The following P4HB variants were observed in gnomAD, a reference collection of about 807,000 sequenced individuals.
The protein encoded by P4HB is protein disulfide-isomerase.
P4HB carries 20 observed loss-of-function variants against 52.6 expected under a neutral mutation model. The observed-to-expected ratio is 0.38, with a 90% CI of 0.27 to 0.55. The LOEUF is 0.55. Among genes scored for constraint, P4HB ranks in the 20% least tolerant of loss-of-function variants. P4HB has a pLI of 0.74. For missense variants in P4HB, 601 were observed against 669.2 expected, an observed-to-expected ratio of 0.90 and a Z score of 1.12; for synonymous variants, 296 against 277.9, an observed-to-expected ratio of 1.07 and a Z score of -0.65.
Position 81,846,590 on chromosome 17 carries a change from G to C in P4HB, c.895C>G (p.Gln299Glu). Residue 299 changes from glutamine to glutamate, a missense_variant, in exon 7 of 11, where the codon CAG (glutamine) becomes GAG (glutamate). Gln to Glu is a conservative substitution (Grantham distance 29). Coordinates refer to ENST00000331483, the MANE Select transcript of P4HB (RefSeq NM_000918.4). The surrounding 1 kb of genome is among the most constrained non-coding windows in gnomAD (Gnocchi z 5.7). The part of the protein sequence containing the change: ...IFIDSDHTDN[Q>E]RILEFFGLKK... ...AGGCCAAAGAACTCGAGGATGCGCT[G>C]GTTGTCGGTGTGGTCGCTGTCGATG... 6.2e-7 allele frequency: 1 copy of C among 1,614,110 alleles called. No individual in the cohort carries two copies. The highest frequency in any genetic ancestry group is 8.5e-7 in the Non-Finnish European group (1 of 1,180,034).
chr17:81,854,003 G>T (rs1262482266), intron 4 of P4HB, among the ~76,000 whole-genome samples: 9 of 152,214 alleles, frequency 5.9e-5, no homozygotes, highest in Non-Finnish European at 1.2e-4. Context: ...GGGAGAGGCG[G>T]CTAAGAGGCC....
At position 81,855,535 on chromosome 17, in the gene P4HB, G is replaced by C; in HGVS notation, c.404C>G (p.Pro135Arg). ...GCCGTCAGGCAGGGTGGTGGCAGCCGGGCCCGTGCGCTTCTTCAGCCAGTT... is the reference window on the plus strand; with the variant it reads ...GCCGTCAGGCAGGGTGGTGGCAGCCCGGCCCGTGCGCTTCTTCAGCCAGTT... ...IVNWLKKRTG[P>R]AATTLPDGAA... The change falls in exon 3 of 11, where the codon CCG (proline) becomes CGG (arginine). Residue 135 changes from proline (P) to arginine (R), a missense_variant. By Grantham distance (103) the Pro-to-Arg change is moderately radical (BLOSUM62 -2). Transcript: ENST00000331483. The surrounding 1 kb of genome is among the most constrained non-coding windows in gnomAD (Gnocchi z 4.3). The C allele has an allele frequency of 6.2e-7, 1 of 1,613,942 alleles. No homozygotes were observed. The highest frequency in any genetic ancestry group is 8.5e-7 in the Non-Finnish European group (1 of 1,179,998).
chr17:81,847,367 C>T lies in P4HB; in HGVS notation c.625-20G>A, dbSNP rs764530163. On this transcript the variant is annotated intron_variant, in intron 4 of 10. Transcript: ENST00000331483. ...ATCAAACTGTGGACAGAAAGAGGGC[C>T]CTGACTGAGCATTGCTGCTGGGAGC... 1.3e-6 allele frequency: 2 copies of T among 1,592,804 alleles called. No homozygotes were observed. The highest frequency in any genetic ancestry group is 1.7e-5 in the Admixed American group (1 of 60,012).
At position 81,855,938 on chromosome 17, in the gene P4HB, G is replaced by T; in HGVS notation, c.353-352C>A. On this transcript the variant is annotated intron_variant, in intron 2 of 10. Transcript: ENST00000331483. The surrounding 1 kb of genome is among the most constrained non-coding windows in gnomAD (Gnocchi z 4.3). The stretch of plus-strand genomic sequence containing the variant: ...AGCTGGAGGGTAGTGGCAGAATCTT[G>T]GCTCACTGCAGCCTCCACCCACTGG... 1 of 210,918 alleles carries T rather than the reference G, an allele frequency of 4.7e-6. No homozygotes were observed. Among genetic ancestry groups the T allele is most frequent in the Non-Finnish European group, 9.5e-6 (1 of 105,604 alleles). The allele number at this position is 210,918 out of a possible 1,614,324, so 13.1% of individuals were successfully genotyped here.
In P4HB at chr17:81,846,922, C is replaced by A. The variant is rs200221449; in HGVS notation, c.855+25G>T. On this transcript the variant is annotated intron_variant, in intron 6 of 10. Coordinates refer to ENST00000331483, the MANE Select transcript of P4HB (RefSeq NM_000918.4). This position sits in a 1 kb window ranked among gnomAD's most constrained non-coding sequence, Gnocchi z 5.7. ...TGTACTGCTCCCTGGCACCGCCCCA[C>A]GAGCCACCCAGAAGAGCAGCTCACC... 6.2e-7 allele frequency: 1 copy of A among 1,612,800 alleles called. No homozygotes were observed. The highest frequency in any genetic ancestry group is 2.2e-5 in the East Asian group (1 of 44,882).
Position 81,846,479 on chromosome 17 carries a change from C to A in P4HB, c.1006G>T (p.Ala336Ser), listed in dbSNP as rs779543493. The part of the protein sequence containing the change: ...KYKPESEELT[A>S]ERITEFCHRF... ...TGGCAGAACTCTGTGATCCTCTCTG[C>A]CGTCAGCTCCTCCGATTCGGGCTTG... Residue 336 changes from alanine (A) to serine (S), a missense_variant, in exon 7 of 11, where the codon GCA becomes TCA. Physicochemically the swap from Ala to Ser is moderately conservative, Grantham distance 99 (BLOSUM62 1). Coordinates refer to ENST00000331483, the MANE Select transcript of P4HB (RefSeq NM_000918.4). This position sits in a 1 kb window ranked among gnomAD's most constrained non-coding sequence, Gnocchi z 5.7. The A allele has an allele frequency of 6.2e-7, 1 of 1,613,844 alleles. No homozygotes were observed. Among genetic ancestry groups the A allele is most frequent in the African/African-American group, 1.3e-5 (1 of 75,058 alleles).
At chr17:81,854,435 G>A (rs1274677332) in intron 4 of P4HB, among the ~76,000 whole-genome samples, 2 of 152,066 alleles carry the variant, frequency 1.3e-5, no homozygotes, top group African/African-American at 2.4e-5. Context: ...CCAGCTGCTC[G>A]GGAGGCTGAG....
At chr17:81,858,163 T>C (rs549009725) in intron 2 of P4HB, among the ~76,000 whole-genome samples, 3 of 143,940 alleles carry the variant, frequency 2.1e-5, no homozygotes, top group South Asian at 2.1e-4. Flanking sequence ...CCCCAGCTAC[T>C]CAAGAGGCTG....
chr17:81,843,831 C>T lies in P4HB; in HGVS notation c.*181G>A, dbSNP rs2143308317. ...GGATCCCTTTCCAAAAACCGAAAAG[C>T]AGAAGGAAGAGACGGGGGTGAACGG... On this transcript the variant is annotated 3_prime_UTR_variant, in exon 11 of 11. Transcript: ENST00000331483. The T allele has an allele frequency of 1.6e-6, 1 of 626,078 alleles. No individual in the cohort carries two copies. Among genetic ancestry groups the T allele is most frequent in the Non-Finnish European group, 2.9e-6 (1 of 350,316 alleles). The allele number at this position is 626,078 out of a possible 1,614,324, so 38.8% of individuals were successfully genotyped here.
At chr17:81,847,402 G>T in intron 4 of P4HB, 55 bp from the exon 5 acceptor site, 1 of 1,472,032 alleles carries the variant, frequency 6.8e-7, no homozygotes, top group Non-Finnish European at 9.5e-7. Context: ...CACAGCCCCT[G>T]GGCCCGGGTC....
rs1197704466 is a variant in P4HB, at chr17:81,855,202, G to C, written c.564C>G (p.Ser188=). ...AIDDIPFGIT[S]NSDVFSKYQL... Reference sequence around the variant, plus strand: ...GGTATTTGGAGAACACGTCACTGTTGGAAGTGATCCCAAATGGTATGTCAT... The same window carrying C: ...GGTATTTGGAGAACACGTCACTGTTCGAAGTGATCCCAAATGGTATGTCAT... Residue 188 remains serine, a synonymous_variant, in exon 4 of 11, where the codon TCC becomes TCG. Coordinates refer to ENST00000331483, the MANE Select transcript of P4HB (RefSeq NM_000918.4). This position sits in a 1 kb window ranked among gnomAD's most constrained non-coding sequence, Gnocchi z 4.3. 1.2e-6 allele frequency: 2 copies of C among 1,613,868 alleles called. No individual in the cohort carries two copies. Among genetic ancestry groups the C allele is most frequent in the Non-Finnish European group, 1.7e-6 (2 of 1,179,918 alleles).
chr17:81,859,665 C>G (rs187192327), intron 1 of P4HB: 1 of 485,726 alleles, frequency 2.1e-6, no homozygotes, highest in Non-Finnish European at 3.8e-6. Context: ...TCAATGGTTG[C>G]TGACTTCTTA....
chr17:81,857,096 G>C (rs1012134402), intron 2 of P4HB, among the ~76,000 whole-genome samples: 1 of 152,030 alleles, frequency 6.6e-6, no homozygotes, highest in East Asian at 1.9e-4. Context: ...GCTAATTTTT[G>C]TATTTTTTGT....
intron 2 of P4HB, among the ~76,000 whole-genome samples, chr17:81,858,017 T>G (rs1429007148): frequency 6.6e-6 from 1 of 152,070 alleles, no homozygotes; most frequent in East Asian, 1.9e-4. Flanking sequence ...CAATCACGCC[T>G]GTAATCCTAG....
chr17:81,851,586 G>A (rs559707368), intron 4 of P4HB, among the ~76,000 whole-genome samples: 2 of 152,306 alleles, frequency 1.3e-5, no homozygotes, highest in South Asian at 2.1e-4. Context: ...CCAGTGGCAC[G>A]GGTGGGCTCG....
At chr17:81,857,146 A>G (rs1033342744) in intron 2 of P4HB, among the ~76,000 whole-genome samples, 3 of 151,948 alleles carry the variant, frequency 2.0e-5, no homozygotes, top group Non-Finnish European at 4.4e-5. Flanking sequence ...GGCCCTCTGC[A>G]TTTTAAAAAT....
At chr17:81,858,325 C>G (rs1469953086) in intron 2 of P4HB, among the ~76,000 whole-genome samples, 1 of 151,092 alleles carries the variant, frequency 6.6e-6, no homozygotes, top group African/African-American at 2.4e-5. Flanking sequence ...CACAGAGCTG[C>G]TGCCACTAGA....
chr17:81,845,314 G>A (rs1023247363), intron 9 of P4HB, 84 bp from the exon 10 acceptor site: 20 of 1,194,994 alleles, frequency 1.7e-5, no homozygotes, highest in Non-Finnish European at 2.2e-5. Flanking sequence ...CTAGAGAAAG[G>A]CAGAGCAGGC....
chr17:81,844,739 C>T (rs1351203973), intron 10 of P4HB, among the ~76,000 whole-genome samples: 1 of 152,246 alleles, frequency 6.6e-6, no homozygotes, highest in African/African-American at 2.4e-5. Flanking sequence ...TGCTGCTGGC[C>T]ACGCGCTGAC....
Sources: gnomAD v4.1 joint callset for allele counts (sites outside exome capture counted in the v4.1 genomes callset) on GRCh38, gnomAD v4.1.1 for gene constraint, Gnocchi (gnomAD v3.1) non-coding constraint, MANE v1.5 for transcripts, NCBI Gene and HGNC (gene_info 2026-07-23, HGNC 2026-07-21) for gene names.